PTPRT: variants seen among roughly 807,000 people sequenced by gnomAD.
The protein encoded by PTPRT is protein tyrosine phosphatase receptor type T, also known as receptor-type tyrosine-protein phosphatase T.
A neutral mutation model predicts 176.8 loss-of-function variants in PTPRT; 56 were observed. The observed-to-expected ratio is 0.32, with a 90% CI of 0.26 to 0.40. PTPRT has a LOEUF of 0.40. Among genes scored for constraint, PTPRT ranks in the 10% least tolerant of loss-of-function variants. PTPRT has a pLI of 1.00. For synonymous variants in PTPRT, 783 were observed against 739.0 expected, an observed-to-expected ratio of 1.06 and a Z score of -0.96; for missense variants, 1,540 against 1,908.2, an observed-to-expected ratio of 0.81 and a Z score of 3.60.
intron 14 of PTPRT, among the ~76,000 whole-genome samples, chr20:42,244,725 G>A (rs909865063): frequency 5.3e-5 from 8 of 152,168 alleles, no homozygotes; most frequent in Non-Finnish European, 7.3e-5. Context: ...ACTTGTGTGC[G>A]CATACATATA....
intron 9 of PTPRT, among the ~76,000 whole-genome samples, chr20:42,410,726 T>A (rs1044177397): frequency 2.0e-5 from 3 of 152,008 alleles, no homozygotes; most frequent in African/African-American, 7.2e-5. Context: ...GGAAATGTGT[T>A]TTCTGACTAT....
intron 9 of PTPRT, among the ~76,000 whole-genome samples, chr20:42,399,524 T>C (rs1374312450): frequency 1.3e-5 from 2 of 152,142 alleles, no homozygotes; most frequent in Non-Finnish European, 2.9e-5. Context: ...ATACACTTAC[T>C]CCTAGAGCCC....
intron 9 of PTPRT, among the ~76,000 whole-genome samples, chr20:42,412,202 T>C (rs2059025846): frequency 6.6e-6 from 1 of 152,190 alleles, no homozygotes; most frequent in Admixed American, 6.5e-5. Context: ...CAAAGAACTT[T>C]GAAGTTCAGT....
chr20:42,247,818 G>A (rs992850301), intron 14 of PTPRT, among the ~76,000 whole-genome samples: 3 of 152,186 alleles, frequency 2.0e-5, no homozygotes, highest in Non-Finnish European at 2.9e-5. Context: ...GCAGGCAGGG[G>A]CTAAGGAGAG....
chr20:43,003,845 T>C (rs1356534800), intron 1 of PTPRT, among the ~76,000 whole-genome samples: 2 of 152,098 alleles, frequency 1.3e-5, no homozygotes, highest in Admixed American at 6.5e-5. Flanking sequence ...AAGAATAGTA[T>C]GTAAGAGATC....
intron 1 of PTPRT, among the ~76,000 whole-genome samples, chr20:42,914,556 T>C (rs1978608742): frequency 6.6e-6 from 1 of 152,166 alleles, no homozygotes; most frequent in Non-Finnish European, 1.5e-5. Context: ...CATCAAATGA[T>C]TTATGTTAAC....
At chr20:42,589,260 A>G (rs964899780) in intron 7 of PTPRT, among the ~76,000 whole-genome samples, 1 of 152,180 alleles carries the variant, frequency 6.6e-6, no homozygotes, top group Non-Finnish European at 1.5e-5. Context: ...AATCTTGTGC[A>G]TTTCTCAGAC....
At chr20:42,206,923 G>C (rs200741846) in intron 15 of PTPRT, among the ~76,000 whole-genome samples, 60 of 151,958 alleles carry the variant, frequency 3.9e-4, no homozygotes, top group South Asian at 8.3e-4. Flanking sequence ...CAGTGGTTCT[G>C]CCAGCACGCA....
chr20:42,520,765 C>A (rs1971453336), intron 7 of PTPRT, among the ~76,000 whole-genome samples: 1 of 151,032 alleles, frequency 6.6e-6, no homozygotes, highest in South Asian at 2.1e-4. Context: ...GGATATCATT[C>A]TTTCCAGGGC....
rs1013362314 is a variant in PTPRT, at chr20:42,345,372, C to T, written c.1865+5256G>A. Among the ~76,000 whole-genome samples, 11 of 146,694 alleles carry T rather than the reference C, an allele frequency of 7.5e-5. 1 individual carries two copies. The highest frequency in any genetic ancestry group is 6.0e-4 in the East Asian group (3 of 4,988). On this transcript the variant is annotated intron_variant, in intron 11 of 30. Coordinates refer to ENST00000373187, the MANE Select transcript of PTPRT (RefSeq NM_007050.6). ...AGGTAGCTGAAGGCATATATACACACACACACACACACACACACACATATA... is the reference window on the plus strand; with the variant it reads ...AGGTAGCTGAAGGCATATATACACATACACACACACACACACACACATATA...
chr20:43,138,363 C>T (rs544547010), intron 1 of PTPRT, among the ~76,000 whole-genome samples: 6 of 152,374 alleles, frequency 3.9e-5, no homozygotes, highest in African/African-American at 1.2e-4. Context: ...GGCTCGGAGC[C>T]AGCACTGCAG....
At chr20:42,047,114 G>T in the PTPRT span, among the ~76,000 whole-genome samples, 2 of 152,158 alleles carry the variant, frequency 1.3e-5, no homozygotes, top group Non-Finnish European at 2.9e-5. Context: ...CTTGTTGGGG[G>T]TTAAGGTAAC....
chr20:42,238,256 A>T (rs778187498), intron 14 of PTPRT, among the ~76,000 whole-genome samples: 5 of 152,210 alleles, frequency 3.3e-5, no homozygotes, highest in Non-Finnish European at 7.3e-5. Flanking sequence ...AAGGAAAGTG[A>T]GTCTAAAAGT....
intron 7 of PTPRT, among the ~76,000 whole-genome samples, chr20:42,652,724 G>C (rs1057149012): frequency 6.6e-6 from 1 of 152,118 alleles, no homozygotes; most frequent in Non-Finnish European, 1.5e-5. Flanking sequence ...GTGAGTCCCT[G>C]CCTTTGTGTC....
intron 1 of PTPRT, among the ~76,000 whole-genome samples, chr20:43,016,319 T>C (rs1478940479): frequency 6.6e-6 from 1 of 152,190 alleles, no homozygotes; most frequent in Non-Finnish European, 1.5e-5. Context: ...GGCTCTGGCT[T>C]ATAACAGATT....
intron 7 of PTPRT, among the ~76,000 whole-genome samples, chr20:42,674,352 G>C (rs895451496): frequency 2.0e-5 from 3 of 152,128 alleles, no homozygotes; most frequent in African/African-American, 7.2e-5. Context: ...CCAGATTATT[G>C]TGTTTTCAAC....
intron 12 of PTPRT, among the ~76,000 whole-genome samples, chr20:42,299,200 G>A (rs1008398691): frequency 6.6e-5 from 10 of 152,008 alleles, no homozygotes; most frequent in Non-Finnish European, 1.2e-4. Context: ...TAGGCTTTTA[G>A]AACCACGTTA....
intron 1 of PTPRT, among the ~76,000 whole-genome samples, chr20:43,115,775 C>A (rs2013037408): frequency 6.6e-6 from 1 of 151,944 alleles, no homozygotes; most frequent in Admixed American, 6.6e-5. Flanking sequence ...CCGTCCAGGG[C>A]TCTATTACAA....
chr20:42,522,141 T>G (rs1478458685), intron 7 of PTPRT, among the ~76,000 whole-genome samples: 1 of 150,290 alleles, frequency 6.7e-6, no homozygotes, highest in Non-Finnish European at 1.5e-5. Flanking sequence ...TCTTGTAACT[T>G]TTTCCTTTTC....
Sources: allele counts gnomAD v4.1 joint callset (sites outside exome capture counted in the v4.1 genomes callset), GRCh38; gene constraint gnomAD v4.1.1; transcripts MANE v1.5; gene names NCBI Gene and HGNC (gene_info 2026-07-23, HGNC 2026-07-21).